The following PGM2 variants were observed in gnomAD, a reference collection of about 807,000 sequenced individuals.
The protein encoded by PGM2 is phosphoglucomutase 2, also known as phosphopentomutase.
Under a neutral mutation model 74.6 loss-of-function variants are expected in PGM2, and 57 were observed. The ratio of observed to expected loss-of-function variants is 0.76; its 90% confidence interval spans 0.62 to 0.95. The LOEUF (loss-of-function observed/expected upper bound fraction) is 0.95, where lower values mean the gene tolerates loss of function less well. Ranked by LOEUF, PGM2 falls within the 40% of genes least tolerant of loss-of-function variation. PGM2 has a pLI of 0.00. For missense variants in PGM2, 706 were observed against 741.9 expected, an observed-to-expected ratio of 0.95 and a Z score of 0.56; for synonymous variants, 273 against 260.7, an observed-to-expected ratio of 1.05 and a Z score of -0.46.
intron 13 of PGM2, among the ~76,000 whole-genome samples, 188 bp from the exon 14 acceptor site, chr4:37,861,322 C>T (rs998074999): frequency 6.6e-6 from 1 of 152,084 alleles, no homozygotes; most frequent in African/African-American, 2.4e-5. Context: ...TGCATATTGT[C>T]TCATGGGGTG....
At chr4:37,835,456 A>T (rs947336268) in intron 3 of PGM2, among the ~76,000 whole-genome samples, 4 of 152,200 alleles carry the variant, frequency 2.6e-5, no homozygotes, top group Non-Finnish European at 5.9e-5. Flanking sequence ...GGAGCATGGC[A>T]GTGTTCCAGT....
intron 12 of PGM2, among the ~76,000 whole-genome samples, chr4:37,854,658 T>G (rs2152181338): frequency 6.6e-6 from 1 of 151,412 alleles, no homozygotes; most frequent in South Asian, 2.1e-4. Context: ...GCGCCCAGCC[T>G]GGAAGCTTTA....
chr4:37,832,222 G>T (rs147695921), intron 2 of PGM2, among the ~76,000 whole-genome samples: 185 of 152,334 alleles, frequency 1.2e-3, no homozygotes, highest in African/African-American at 4.3e-3. Context: ...AGGAGACAGA[G>T]ATGTGAAGAG....
chr4:37,852,778 G>C (rs1211635006), intron 12 of PGM2, among the ~76,000 whole-genome samples: 1 of 151,846 alleles, frequency 6.6e-6, no homozygotes, highest in Non-Finnish European at 1.5e-5. Flanking sequence ...TTTTCCTCTG[G>C]GAAGATTTTA....
Position 37,841,100 on chromosome 4 carries a change from A to ATGTGTGTGTG in PGM2, c.719+847_719+856dup, listed in dbSNP as rs1553885995. Among the ~76,000 whole-genome samples, 74 of 115,728 alleles carry ATGTGTGTGTG rather than the reference A, an allele frequency of 6.4e-4. 1 individual carries two copies. Among genetic ancestry groups the ATGTGTGTGTG allele is most frequent in the African/African-American group, 2.6e-3 (73 of 28,030 alleles). The allele number at this position is 115,728 out of a possible 152,430, so 75.9% of individuals were successfully genotyped here. A position where few individuals can be genotyped will look rare whatever the true frequency, so the allele number is the denominator to read the frequency against. On this transcript the variant is annotated intron_variant, in intron 6 of 13. Coordinates refer to ENST00000381967, the MANE Select transcript of PGM2 (RefSeq NM_018290.4). Reference sequence around the variant, plus strand: ...TATATATATATATATATATATATATATGTGTGTGTGTGTGTTTGTATATGT... The same window carrying ATGTGTGTGTG: ...TATATATATATATATATATATATATATGTGTGTGTGTGTGTGTGTGTGTGTTTGTATATGT...
At chr4:37,835,086 TC>T (rs1301440241) in intron 3 of PGM2, among the ~76,000 whole-genome samples, 1 of 152,122 alleles carries the variant, frequency 6.6e-6, no homozygotes, top group Non-Finnish European at 1.5e-5. Flanking sequence ...TCTGAAACAT[TC>T]TCAAACCAAT....
chr4:37,834,520 A>C, intron 2 of PGM2, 98 bp from the exon 3 acceptor site: 2 of 621,546 alleles, frequency 3.2e-6, no homozygotes, highest in Non-Finnish European at 5.7e-6. Flanking sequence ...ATAGTGTTCT[A>C]TGAAATTTGA....
chr4:37,829,179 A>G lies in PGM2; in HGVS notation c.82-785A>G, dbSNP rs148673849. On this transcript the variant is annotated intron_variant, in intron 1 of 13. Transcript: ENST00000381967. ...TCCAACCATAACATTTTCTGCAACT[A>G]CCATACAAAAAAAAAATAGGGCAAT... Among the ~76,000 whole-genome samples, 588 of 150,048 alleles carry G rather than the reference A, an allele frequency of 3.9e-3. 6 individuals carry two copies. The highest frequency in any genetic ancestry group is 0.014 in the African/African-American group (552 of 39,918).
At chr4:37,853,560 T>C (rs1228542894) in intron 12 of PGM2, among the ~76,000 whole-genome samples, 1 of 152,172 alleles carries the variant, frequency 6.6e-6, no homozygotes, top group African/African-American at 2.4e-5. Flanking sequence ...GATCCTTAAT[T>C]TTCCTTTGGG....
intron 1 of PGM2, among the ~76,000 whole-genome samples, chr4:37,829,243 G>A (rs1725374864): frequency 6.6e-6 from 1 of 151,998 alleles, no homozygotes; most frequent in Non-Finnish European, 1.5e-5. Context: ...GCGTCTATTT[G>A]AAGCAGTTAA....
At chr4:37,853,756 G>A (rs529789340) in intron 12 of PGM2, among the ~76,000 whole-genome samples, 16 of 152,244 alleles carry the variant, frequency 1.1e-4, no homozygotes, top group Admixed American at 2.0e-4. Context: ...GGCGGAGCTG[G>A]GGGTGTCAGC....
intron 4 of PGM2, 40 bp from the exon 5 acceptor site, chr4:37,839,808 C>A: frequency 8.8e-7 from 1 of 1,138,134 alleles, no homozygotes; most frequent in Non-Finnish European, 1.3e-6. Flanking sequence ...TGGTTATTTT[C>A]GTTAAAAACT....
chr4:37,826,759 A>C lies in PGM2; in HGVS notation c.27A>C (p.Leu9=). The C allele has an allele frequency of 1.3e-6, 2 of 1,550,000 alleles. No individual in the cohort carries two copies. The highest frequency in any genetic ancestry group is 1.7e-6 in the Non-Finnish European group (2 of 1,146,466). Residue 9 remains leucine, a synonymous_variant, in exon 1 of 14, where the codon CTA becomes CTC. Coordinates refer to ENST00000381967, the MANE Select transcript of PGM2 (RefSeq NM_018290.4). MAAPEGSG[L]GEDARLDQET... is the part of the protein sequence containing the mutation. ...TGGCGGCTCCAGAAGGCAGCGGTCT[A>C]GGCGAGGACGCCCGGCTGGACCAGG...
At chr4:37,845,959 G>A (rs544715728) in intron 8 of PGM2, among the ~76,000 whole-genome samples, 1 of 152,220 alleles carries the variant, frequency 6.6e-6, no homozygotes, top group South Asian at 2.1e-4. Context: ...AATCAACCCA[G>A]TATATATTTC....
chr4:37,859,523 A>G (rs1330363632), intron 13 of PGM2, among the ~76,000 whole-genome samples: 1 of 152,186 alleles, frequency 6.6e-6, no homozygotes, highest in Admixed American at 6.6e-5. Context: ...TCCATTCCTG[A>G]TGCCTTTCAG....
chr4:37,857,106 A>G (rs1711545788), intron 13 of PGM2, among the ~76,000 whole-genome samples: 1 of 152,172 alleles, frequency 6.6e-6, no homozygotes, highest in African/African-American at 2.4e-5. Flanking sequence ...ATTATTCCAA[A>G]CATACTTGTT....
chr4:37,833,220 G>A (rs1012977320), intron 2 of PGM2, among the ~76,000 whole-genome samples: 1 of 152,154 alleles, frequency 6.6e-6, no homozygotes, highest in African/African-American at 2.4e-5. Flanking sequence ...AAATTAGCTT[G>A]GCTCTCGCAA....
At chr4:37,831,384 A>G (rs1577671948) in intron 2 of PGM2, among the ~76,000 whole-genome samples, 1 of 152,162 alleles carries the variant, frequency 6.6e-6, no homozygotes, top group African/African-American at 2.4e-5. Context: ...TACTAGGGCT[A>G]TGTAACAAAT....
chr4:37,850,990 C>CA (rs34801450), intron 12 of PGM2, among the ~76,000 whole-genome samples: 70,947 of 107,292 alleles, frequency 0.66, 25,460 homozygotes, highest in South Asian at 0.83. Context: ...GACTTCATCT[C>CA]AAAAAAAAAA....
Sources: gnomAD v4.1 joint callset for allele counts (sites outside exome capture counted in the v4.1 genomes callset) on GRCh38, gnomAD v4.1.1 for gene constraint, MANE v1.5 for transcripts, NCBI Gene and HGNC (gene_info 2026-07-23, HGNC 2026-07-21) for gene names.